Variants in BCOR observed in about 807,000 individuals in gnomAD.
BCOR encodes the protein BCL-6 corepressor.
Under a neutral mutation model 86.7 loss-of-function variants are expected in BCOR, and 10 were observed. The observed-to-expected ratio is 0.12, with a 90% confidence interval of 0.07 to 0.20. The LOEUF is 0.20. BCOR is among the 10% of genes least tolerant of loss of function. The pLI, the probability that BCOR is intolerant of heterozygous loss-of-function variation, is 1.00. For synonymous variants in BCOR, 611 were observed against 609.0 expected (o/e 1.00, Z -0.05); for missense variants, 1,259 against 1,452.1 (o/e 0.87, Z 2.16).
intron 6 of BCOR, among the ~76,000 whole-genome samples, chrX:40,068,877 AC>A (rs1935330819): frequency 8.8e-6 from 1 of 113,083 alleles, no homozygotes; most frequent in South Asian, 3.6e-4. Flanking sequence ...AACAAGATGC[AC>A]CCACACGCAG....
intron 1 of BCOR, among the ~76,000 whole-genome samples, chrX:40,096,840 TC>T (rs988781516): frequency 6.4e-4 from 31 of 48,133 alleles, no homozygotes; most frequent in African/African-American, 2.2e-3. Flanking sequence ...CCAGCCCACC[TC>T]CCCCCCCTCC....
intron 1 of BCOR, among the ~76,000 whole-genome samples, chrX:40,173,627 A>T (rs1938678164): frequency 8.9e-6 from 1 of 112,226 alleles, no homozygotes; most frequent in South Asian, 3.7e-4. Context: ...GGTGGATAGG[A>T]GGGAGAGTCC....
chrX:40,089,490 G>A (rs763877353), intron 1 of BCOR, among the ~76,000 whole-genome samples: 2 of 111,554 alleles, frequency 1.8e-5, no homozygotes, highest in Non-Finnish European at 3.8e-5. Flanking sequence ...TATGTTACTT[G>A]GTCTACAGTG....
chrX:40,161,506 CTTTT>C (rs749528691), intron 1 of BCOR, among the ~76,000 whole-genome samples: 1 of 55,980 alleles, frequency 1.8e-5, no homozygotes, highest in Non-Finnish European at 3.1e-5. Flanking sequence ...CGATTCTCCC[CTTTT>C]TTTTTTTTTT....
intron 1 of BCOR, among the ~76,000 whole-genome samples, chrX:40,125,307 C>A (rs1013529088): frequency 6.3e-5 from 7 of 111,708 alleles, no homozygotes; most frequent in Non-Finnish European, 1.1e-4. Flanking sequence ...GATCTCAGCT[C>A]AAGTCAACCT....
At chrX:40,084,210 C>T (rs1007991237) in intron 1 of BCOR, among the ~76,000 whole-genome samples, 1 of 112,079 alleles carries the variant, frequency 8.9e-6, no homozygotes, top group Non-Finnish European at 1.9e-5. Context: ...GCTGCCGAAC[C>T]TGGATTGTCC....
At position 40,113,882 on chromosome X, in the gene BCOR, G is replaced by A. The variant is rs147362345; in HGVS notation, c.-40-35913C>T. ...TACCCAGGCTGGAATGCAGCAGCAC[G>A]ATCTCAGCTCACTGCAATCTCTGCC... On this transcript the variant is annotated intron_variant, in intron 1 of 14. Transcript: ENST00000342274. Among the ~76,000 whole-genome samples, 882 of 109,064 alleles carry A rather than the reference G, an allele frequency of 8.1e-3. 7 individuals are homozygous for A. The highest frequency in any genetic ancestry group is 0.027 in the African/African-American group (811 of 29,760). 94.7% of individuals were successfully genotyped at this position (109,064 alleles called of 115,157 possible). A position where few individuals can be genotyped will look rare whatever the true frequency, so the allele number is the denominator to read the frequency against.
intron 1 of BCOR, among the ~76,000 whole-genome samples, chrX:40,132,713 T>C (rs1482181316): frequency 8.9e-6 from 1 of 112,596 alleles, no homozygotes; most frequent in East Asian, 2.8e-4. Flanking sequence ...ACACACCTGG[T>C]AAGTGGCAGA....
chrX:40,076,028 T>G (rs1049541767), intron 3 of BCOR, among the ~76,000 whole-genome samples: 4 of 111,902 alleles, frequency 3.6e-5, no homozygotes, highest in Non-Finnish European at 5.6e-5. Context: ...AGCAGCCTCA[T>G]TTCTATATCA....
upstream of BCOR, among the ~76,000 whole-genome samples, chrX:40,102,745 AG>A (rs1198297101): frequency 1.8e-5 from 2 of 113,265 alleles, no homozygotes; most frequent in African/African-American, 3.2e-5. Context: ...CCCGAACTGG[AG>A]GGGTAGAGAA....
chrX:40,056,281 T>TAAAAAAAAA (rs60712024), intron 11 of BCOR, among the ~76,000 whole-genome samples: 2 of 61,451 alleles, frequency 3.3e-5, no homozygotes, highest in African/African-American at 1.4e-4. Context: ...TGTCACACAT[T>TAAAAAAAAA]AAAAAAAAAA....
intron 1 of BCOR, among the ~76,000 whole-genome samples, chrX:40,138,549 ATTAT>A (rs1021609356): frequency 1.8e-5 from 2 of 110,781 alleles, no homozygotes; most frequent in African/African-American, 3.3e-5. Context: ...GCACTATTTT[ATTAT>A]TTATTTATTT....
chrX:40,064,667 G>T, intron 6 of BCOR, 68 bp from the exon 7 acceptor site: 1 of 1,135,002 alleles, frequency 8.8e-7, no homozygotes, highest in South Asian at 1.9e-5. Flanking sequence ...AGGATCTGGG[G>T]AGTGCGTGGG....
intron 10 of BCOR, among the ~76,000 whole-genome samples, chrX:40,057,602 C>T (rs1346016753): frequency 8.9e-6 from 1 of 111,811 alleles, no homozygotes; most frequent in Non-Finnish European, 1.9e-5. Flanking sequence ...AGAGTAACAG[C>T]GCCTACCAGA....
chrX:40,070,694 T>C (rs773478703), intron 6 of BCOR, among the ~76,000 whole-genome samples: 43 of 111,856 alleles, frequency 3.8e-4, no homozygotes, highest in Non-Finnish European at 6.2e-4. Flanking sequence ...GTCATTCCAC[T>C]GCTACAAAAT....
chrX:40,091,860 C>G (rs890313317), intron 1 of BCOR, among the ~76,000 whole-genome samples: 3 of 112,806 alleles, frequency 2.7e-5, no homozygotes, highest in African/African-American at 9.7e-5. Flanking sequence ...CGGGGCGGGT[C>G]AGGGCCGGCC....
In BCOR at chrX:40,064,489, C is replaced by T. The variant is rs374493655; in HGVS notation, c.3349G>A (p.Ala1117Thr). 2.0e-5 allele frequency: 24 copies of T among 1,211,027 alleles called. No homozygotes were observed. The highest frequency in any genetic ancestry group is 6.5e-5 in the Admixed American group (3 of 45,995). Reference sequence around the variant, plus strand: ...GGCATGTCCGAGGCCACCTGGTCTGCGGGAGGCTCGCTCACAGGCTGCCTC... The same window carrying T: ...GGCATGTCCGAGGCCACCTGGTCTGTGGGAGGCTCGCTCACAGGCTGCCTC... ...VERQPVSEPP[A>T]DQVASDMPHS... The change falls in exon 7 of 15, where the codon GCA becomes ACA. Residue 1117 changes from alanine (A) to threonine (T), a missense_variant. Around this residue, in one of 7 missense-constraint regions of BCOR, gnomAD observed 305 missense variants for 286.1 expected, o/e 1.07. Coordinates refer to ENST00000378444, the MANE Select transcript of BCOR (RefSeq NM_001123385.2).
intron 1 of BCOR, among the ~76,000 whole-genome samples, chrX:40,175,148 G>A (rs1411758112): frequency 1.8e-5 from 2 of 109,843 alleles, no homozygotes; most frequent in Admixed American, 9.5e-5. Flanking sequence ...TCCATCGGTC[G>A]GGATCGGGCT....
chrX:40,092,410 G>A lies in BCOR; in HGVS notation c.-41+4805C>T, dbSNP rs1446030480. Among the ~76,000 whole-genome samples the A allele has an allele frequency of 4.5e-5, 5 of 110,759 alleles. No individual in the cohort carries two copies. In the East Asian group the frequency reaches 1.4e-3, roughly 32 times the overall value. On this transcript the variant is annotated intron_variant, in intron 1 of 14. Transcript: ENST00000378444. ...TACGTGCGCGTCTGGGGTCACCGAGGCGCCTGCTAATCCACCCAACACAGG... is the reference window on the plus strand; with the variant it reads ...TACGTGCGCGTCTGGGGTCACCGAGACGCCTGCTAATCCACCCAACACAGG...
Sources: allele counts gnomAD v4.1 joint callset (sites outside exome capture counted in the v4.1 genomes callset), GRCh38; gene constraint gnomAD v4.1.1; regional missense constraint gnomAD v4.1.1; transcripts MANE v1.5; gene names NCBI Gene and HGNC (gene_info 2026-07-23, HGNC 2026-07-21).